Variants in NIPAL2 observed in about 807,000 individuals in gnomAD.
NIPAL2 encodes NIPA like domain containing 2, also known as NIPA-like protein 2.
NIPAL2 carries 43 observed loss-of-function variants against 48.9 expected under a neutral mutation model. The ratio of observed to expected loss-of-function variants is 0.88; its 90% CI spans 0.69 to 1.13. NIPAL2 has a LOEUF of 1.13. Among genes scored for constraint, NIPAL2 ranks in the 50% most tolerant of loss-of-function variants. NIPAL2 has a pLI of 0.00. For synonymous variants in NIPAL2, 167 were observed against 174.6 expected (o/e 0.96, Z 0.34); for missense variants, 446 against 461.4 (o/e 0.97, Z 0.31).
chr8:98,284,966 A>G (rs1333007256), intron 1 of NIPAL2, among the ~76,000 whole-genome samples: 3 of 152,176 alleles, frequency 2.0e-5, no homozygotes, highest in Non-Finnish European at 2.9e-5. Flanking sequence ...AAGAATAAGT[A>G]GAGGCCTTTC....
At chr8:98,277,546 C>G (rs1209089367) in intron 1 of NIPAL2, among the ~76,000 whole-genome samples, 1 of 151,700 alleles carries the variant, frequency 6.6e-6, no homozygotes, top group Admixed American at 6.6e-5. Context: ...CAAAAAAAAA[C>G]CAAAAAAGAA....
At chr8:98,270,250 GA>G (rs1815044677) in intron 1 of NIPAL2, among the ~76,000 whole-genome samples, 1 of 152,266 alleles carries the variant, frequency 6.6e-6, no homozygotes, top group South Asian at 2.1e-4. Context: ...AGTTTTTTGA[GA>G]AATCTCCAAA....
intron 1 of NIPAL2, 22 bp downstream of exon 1, chr8:98,293,981 G>T: frequency 7.0e-7 from 1 of 1,438,246 alleles, no homozygotes; most frequent in Non-Finnish European, 9.1e-7. Context: ...CCGGGCTGCG[G>T]TGGCTGCGGG....
chr8:98,205,049 A>T, intron 7 of NIPAL2, 62 bp downstream of exon 7: 1 of 1,555,824 alleles, frequency 6.4e-7, no homozygotes. Context: ...GCCAGTAAAG[A>T]TTAATGCCCA....
intron 1 of NIPAL2, among the ~76,000 whole-genome samples, chr8:98,265,665 C>T (rs1179783359): frequency 7.1e-6 from 1 of 139,876 alleles, no homozygotes; most frequent in African/African-American, 2.7e-5. Context: ...GAAATAGGAA[C>T]ACTTTTACAC....
intron 4 of NIPAL2, among the ~76,000 whole-genome samples, chr8:98,228,873 A>ACTT (rs1375105109): frequency 1.3e-5 from 2 of 152,206 alleles, no homozygotes; most frequent in Non-Finnish European, 2.9e-5. Flanking sequence ...CCTAGCAAAG[A>ACTT]CTTCTTGCTG....
chr8:98,198,142 A>G (rs1810636017), intron 8 of NIPAL2, among the ~76,000 whole-genome samples: 1 of 151,512 alleles, frequency 6.6e-6, no homozygotes, highest in African/African-American at 2.4e-5. Context: ...GTTAGCAGGC[A>G]TGAAAACAAC....
Position 98,193,047 on chromosome 8 carries a change from T to C in NIPAL2, c.1083A>G (p.Leu361=). 6.2e-7 allele frequency: 1 copy of C among 1,614,118 alleles called. No individual in the cohort carries two copies. Among genetic ancestry groups the C allele is most frequent in the Non-Finnish European group, 8.5e-7 (1 of 1,179,972 alleles). ...LDKIQPDSHS[L]SYGTLPDGSD... is the part of the protein sequence containing the mutation. ...TTCCATCAGGCAAAGTTCCATAGGA[T>C]AAGCTATGTGAATCTGGTTGTATTT... The change falls in exon 11 of 11, where the codon TTA becomes TTG. Residue 361 remains leucine (L), a synonymous_variant. Coordinates refer to ENST00000430223, the MANE Select transcript of NIPAL2 (RefSeq NM_001321635.2).
At chr8:98,225,194 C>T (rs1233716237) in intron 4 of NIPAL2, among the ~76,000 whole-genome samples, 2 of 152,202 alleles carry the variant, frequency 1.3e-5, no homozygotes, top group Non-Finnish European at 2.9e-5. Flanking sequence ...CAGCTATCTG[C>T]AATAATTACA....
chr8:98,242,305 A>G (rs2130804256), intron 3 of NIPAL2, among the ~76,000 whole-genome samples: 1 of 151,474 alleles, frequency 6.6e-6, no homozygotes, highest in Admixed American at 6.6e-5. Context: ...TCAGCCTCCC[A>G]AGGAGCTGGG....
intron 1 of NIPAL2, among the ~76,000 whole-genome samples, chr8:98,270,694 T>C (rs887234990): frequency 1.3e-5 from 2 of 152,182 alleles, no homozygotes; most frequent in South Asian, 2.1e-4. Flanking sequence ...AGAAGCTCTT[T>C]AGCTTAATTA....
chr8:98,221,107 C>T (rs887502204), intron 5 of NIPAL2, among the ~76,000 whole-genome samples: 2 of 151,084 alleles, frequency 1.3e-5, no homozygotes, highest in Non-Finnish European at 2.9e-5. Context: ...TCCCGAGTAG[C>T]TGGGTTTACA....
At chr8:98,261,805 C>A (rs1179928505) in intron 1 of NIPAL2, among the ~76,000 whole-genome samples, 1 of 149,280 alleles carries the variant, frequency 6.7e-6, no homozygotes, top group Non-Finnish European at 1.5e-5. Context: ...TCGAGAAGAG[C>A]AACTCCAAGA....
intron 7 of NIPAL2, among the ~76,000 whole-genome samples, chr8:98,204,315 C>G (rs7819007): frequency 0.023 from 3,525 of 152,250 alleles, 127 homozygotes; most frequent in African/African-American, 0.08. Flanking sequence ...CTATCTTCAG[C>G]CCATAACAAT....
chr8:98,285,472 T>G (rs548027602), intron 1 of NIPAL2, among the ~76,000 whole-genome samples: 5 of 152,132 alleles, frequency 3.3e-5, no homozygotes, highest in Non-Finnish European at 7.4e-5. Flanking sequence ...TTTTCACTAG[T>G]GGTTGAGAAA....
intron 4 of NIPAL2, among the ~76,000 whole-genome samples, chr8:98,222,803 G>A (rs907476373): frequency 8.5e-5 from 13 of 152,236 alleles, no homozygotes; most frequent in African/African-American, 3.1e-4. Flanking sequence ...GCCGGGGGAT[G>A]GATGGGGCAG....
At chr8:98,253,747 C>T (rs574987016) in intron 2 of NIPAL2, among the ~76,000 whole-genome samples, 7 of 152,210 alleles carry the variant, frequency 4.6e-5, no homozygotes, top group South Asian at 2.1e-4. Flanking sequence ...CATTAGACAC[C>T]GTCGGCCCCT....
At chr8:98,214,167 CTTTT>C (rs71644509) in intron 5 of NIPAL2, among the ~76,000 whole-genome samples, 1 of 146,286 alleles carries the variant, frequency 6.8e-6, no homozygotes, top group Admixed American at 6.8e-5. Context: ...GTTTTAACAT[CTTTT>C]TTTTTTTTTT....
intron 1 of NIPAL2, among the ~76,000 whole-genome samples, chr8:98,260,327 A>G (rs1465156110): frequency 6.6e-6 from 1 of 152,222 alleles, no homozygotes; most frequent in African/African-American, 2.4e-5. Flanking sequence ...AGTGTGAGCG[A>G]CGCAGAAGAC....
Sources: allele counts gnomAD v4.1 joint callset (sites outside exome capture counted in the v4.1 genomes callset), GRCh38; gene constraint gnomAD v4.1.1; transcripts MANE v1.5; gene names NCBI Gene and HGNC (gene_info 2026-07-23, HGNC 2026-07-21).